Variants in PCDH11X observed in about 807,000 individuals in gnomAD.
The protein encoded by PCDH11X is protocadherin-11 X-linked.
In PCDH11X, 18 loss-of-function variants were observed where a neutral mutation model predicts 53.3. The observed-to-expected ratio is 0.34, with a 90% confidence interval of 0.23 to 0.50. The LOEUF (loss-of-function observed/expected upper bound fraction) is 0.50, where lower values mean the gene tolerates loss of function less well. Ranked by LOEUF, PCDH11X falls within the 20% of genes least tolerant of loss-of-function variation. The pLI is 0.98. For missense variants in PCDH11X, 570 were observed against 1,032.4 expected (o/e 0.55, Z 6.14); for synonymous variants, 279 against 393.3 (o/e 0.71, Z 3.44).
chrX:92,364,778 C>T (rs1305150671), intron 8 of PCDH11X, among the ~76,000 whole-genome samples: 2 of 102,207 alleles, frequency 2.0e-5, no homozygotes, highest in African/African-American at 7.2e-5. Flanking sequence ...TGGTGGGCAC[C>T]TGTAATTCCA....
At chrX:92,132,687 GTATATATATATATATATA>G (rs369282634) in intron 6 of PCDH11X, among the ~76,000 whole-genome samples, 1 of 67,738 alleles carries the variant, frequency 1.5e-5, no homozygotes, top group Non-Finnish European at 2.6e-5. Flanking sequence ...ATATATATAT[GTATATATATATATATATA>G]TGTATATGTT....
At chrX:92,520,323 A>G (rs1368085542) in intron 10 of PCDH11X, among the ~76,000 whole-genome samples, 2 of 106,476 alleles carry the variant, frequency 1.9e-5, no homozygotes, top group Non-Finnish European at 1.9e-5. Flanking sequence ...TTTAAAATGT[A>G]TATACCTTAG....
At chrX:92,471,670 C>G (rs910167869) in intron 10 of PCDH11X, among the ~76,000 whole-genome samples, 2 of 108,073 alleles carry the variant, frequency 1.9e-5, no homozygotes, top group African/African-American at 6.7e-5. Flanking sequence ...GTCTTTAGGT[C>G]TTTGAGTAAT....
intron 8 of PCDH11X, among the ~76,000 whole-genome samples, chrX:92,327,449 T>C (rs1411006159): frequency 1.0e-5 from 1 of 97,876 alleles, no homozygotes; most frequent in Non-Finnish European, 2.1e-5. Context: ...GGAATTTATT[T>C]TAAAAAGACT....
intron 6 of PCDH11X, among the ~76,000 whole-genome samples, chrX:92,179,602 T>TA (rs2065961636): frequency 8.9e-6 from 1 of 112,104 alleles, no homozygotes; most frequent in Non-Finnish European, 1.9e-5. Flanking sequence ...CTTTGTTATC[T>TA]AAAAAAGTCA....
At chrX:92,375,142 TTATATA>T (rs1260512423) in intron 8 of PCDH11X, among the ~76,000 whole-genome samples, 325 of 12,961 alleles carry the variant, frequency 0.025, 39 homozygotes, top group East Asian at 0.12. Flanking sequence ...TTCCATTCAT[TTATATA>T]TATATATATA....
chrX:91,829,121 G>T (rs1011705784), intron 4 of PCDH11X, among the ~76,000 whole-genome samples: 9 of 110,589 alleles, frequency 8.1e-5, no homozygotes, highest in Middle Eastern at 4.6e-3. Context: ...GTTTGGGGAG[G>T]TGTGCAATCA....
chrX:92,121,089 A>T (rs191269409), intron 6 of PCDH11X, among the ~76,000 whole-genome samples: 1 of 111,563 alleles, frequency 9.0e-6, no homozygotes, highest in African/African-American at 3.2e-5. Context: ...ATGTATTTTT[A>T]AATTTTAGTA....
At chrX:92,039,796 C>T (rs1011010416) in intron 6 of PCDH11X, among the ~76,000 whole-genome samples, 4 of 110,908 alleles carry the variant, frequency 3.6e-5, no homozygotes, top group Non-Finnish European at 5.6e-5. Context: ...TCTTTCATCA[C>T]AGCCACCACA....
In PCDH11X at chrX:92,271,041, G is replaced by C. The variant is rs6618937; in HGVS notation, c.3144+7898G>C. On this transcript the variant is annotated intron_variant, in intron 8 of 10. Coordinates refer to ENST00000682573, the MANE Select transcript of PCDH11X (RefSeq NM_032968.5). Reference sequence around the variant, plus strand: ...GCAAAGAAAGAAGGGTGTGGGGAAAGGTGCAGTTAAGATAAGATAGCCAGA... The same window carrying C: ...GCAAAGAAAGAAGGGTGTGGGGAAACGTGCAGTTAAGATAAGATAGCCAGA... 0.01 allele frequency among the ~76,000 whole-genome samples: 1,150 copies of C among 111,679 alleles called. 78 individuals are homozygous for C. The East Asian group carries it at 0.24, about 23-fold the overall frequency.
At position 91,949,404 on chromosome X, in the gene PCDH11X, A is replaced by T. The variant is rs2061612844; in HGVS notation, c.3033+70131A>T. On this transcript the variant is annotated intron_variant, in intron 6 of 10. Coordinates refer to ENST00000682573, the MANE Select transcript of PCDH11X (RefSeq NM_032968.5). Reference sequence around the variant, plus strand: ...GCTGTCGCTTCTGAATAGATGAGATAACCCTGAGAGATAATATTAATAACA... The same window carrying T: ...GCTGTCGCTTCTGAATAGATGAGATTACCCTGAGAGATAATATTAATAACA... Among the ~76,000 whole-genome samples, 6 of 110,520 alleles carry T rather than the reference A, an allele frequency of 5.4e-5. No individual in the cohort carries two copies. The Admixed American group carries it at 5.8e-4, about 11-fold the overall frequency.
intron 9 of PCDH11X, among the ~76,000 whole-genome samples, chrX:92,410,302 T>C (rs1191690973): frequency 9.3e-6 from 1 of 107,121 alleles, no homozygotes; most frequent in Non-Finnish European, 1.9e-5. Flanking sequence ...TGTTCAGGTA[T>C]TTAGCTGGAG....
intron 9 of PCDH11X, among the ~76,000 whole-genome samples, chrX:92,405,772 C>T (rs932498542): frequency 9.1e-6 from 1 of 109,736 alleles, no homozygotes; most frequent in Non-Finnish European, 1.9e-5. Flanking sequence ...TGCTCACAAA[C>T]ACCTCTTACA....
At chrX:91,859,733 G>GTTT (rs60762954) in intron 5 of PCDH11X, among the ~76,000 whole-genome samples, 1 of 98,700 alleles carries the variant, frequency 1.0e-5, no homozygotes, top group Non-Finnish European at 2.0e-5. Flanking sequence ...CCCATTGCTT[G>GTTT]TTTTTTTTTT....
intron 8 of PCDH11X, among the ~76,000 whole-genome samples, chrX:92,337,029 C>T (rs1180728592): frequency 1.8e-5 from 2 of 110,695 alleles, no homozygotes; most frequent in Non-Finnish European, 3.8e-5. Flanking sequence ...TGAAGTATTT[C>T]TCAGCCTTCA....
intron 9 of PCDH11X, among the ~76,000 whole-genome samples, chrX:92,398,216 G>C (rs949769458): frequency 1.8e-5 from 2 of 110,954 alleles, no homozygotes; most frequent in African/African-American, 3.3e-5. Flanking sequence ...GGTTTCAAAG[G>C]ATATGAACTG....
At chrX:92,379,810 A>C (rs1448231419) in intron 8 of PCDH11X, among the ~76,000 whole-genome samples, 1 of 109,888 alleles carries the variant, frequency 9.1e-6, no homozygotes, top group Non-Finnish European at 1.9e-5. Flanking sequence ...GTTAGGAGCT[A>C]CCCACTCCGT....
intron 6 of PCDH11X, among the ~76,000 whole-genome samples, chrX:92,031,529 G>T (rs1179480643): frequency 3.6e-5 from 4 of 110,671 alleles, no homozygotes; most frequent in African/African-American, 1.3e-4. Flanking sequence ...GCCTTGGCTT[G>T]TAGGGTATGA....
At chrX:92,070,299 C>T (rs745342431) in intron 6 of PCDH11X, among the ~76,000 whole-genome samples, 96 of 111,662 alleles carry the variant, frequency 8.6e-4, no homozygotes, top group Non-Finnish European at 1.6e-3. Flanking sequence ...TTTCTTCTTG[C>T]TCATTGTCAT....
Sources: allele counts gnomAD v4.1 joint callset (sites outside exome capture counted in the v4.1 genomes callset), GRCh38; gene constraint gnomAD v4.1.1; transcripts MANE v1.5; gene names NCBI Gene and HGNC (gene_info 2026-07-23, HGNC 2026-07-21).